UBAC2: variants seen among roughly 807,000 people sequenced by gnomAD.
UBAC2 encodes the protein UBA domain containing 2.
In UBAC2, 26 loss-of-function variants were observed where a neutral mutation model predicts 44.0. The ratio of observed to expected loss-of-function variants is 0.59; its 90% CI spans 0.43 to 0.82. The LOEUF is 0.82. Ranked by LOEUF, UBAC2 falls within the 40% of genes least tolerant of loss-of-function variation. The pLI, the probability that UBAC2 is intolerant of heterozygous loss-of-function variation, is 0.00. For synonymous variants in UBAC2, 155 were observed against 154.3 expected, an observed-to-expected ratio of 1.00 and a Z score of -0.04; for missense variants, 329 against 419.4, an observed-to-expected ratio of 0.78 and a Z score of 1.88.
intron 1 of UBAC2, among the ~76,000 whole-genome samples, chr13:99,229,733 A>G (rs2043151882): frequency 6.6e-6 from 1 of 152,258 alleles, no homozygotes. Context: ...ACTTTTAAAA[A>G]TCTTCGTTGA....
intron 4 of UBAC2, among the ~76,000 whole-genome samples, chr13:99,283,176 T>G (rs1053749406): frequency 6.6e-6 from 1 of 152,252 alleles, no homozygotes; most frequent in African/African-American, 2.4e-5. Context: ...ACTTACTTAA[T>G]GTTTAATATT....
chr13:99,338,047 C>CTTTTTCTTTTTTTTTTTT (rs2044821100), intron 6 of UBAC2, among the ~76,000 whole-genome samples: 20 of 48,862 alleles, frequency 4.1e-4, no homozygotes, highest in African/African-American at 8.5e-4. Context: ...TTCTTTTTTT[C>CTTTTTCTTTTTTTTTTTT]TTTTTTTTTT....
intron 7 of UBAC2, among the ~76,000 whole-genome samples, chr13:99,346,840 A>G (rs533927512): frequency 2.0e-3 from 311 of 152,310 alleles, no homozygotes; most frequent in African/African-American, 6.9e-3. Flanking sequence ...GATGGAGCAG[A>G]CTTGTTTTCT....
At chr13:99,215,643 G>C in intron 1 of UBAC2, 1 of 1,359,512 alleles carries the variant, frequency 7.4e-7, no homozygotes, top group Non-Finnish European at 1.0e-6. Context: ...CGTCGTCCTA[G>C]ATTTCAGGTG....
intron 4 of UBAC2, among the ~76,000 whole-genome samples, chr13:99,259,249 T>G (rs919204983): frequency 3.9e-5 from 6 of 152,166 alleles, no homozygotes; most frequent in Non-Finnish European, 8.8e-5. Flanking sequence ...TTTAATTATC[T>G]TTATGTTTGG....
chr13:99,222,906 C>G (rs2043066365), intron 1 of UBAC2, among the ~76,000 whole-genome samples: 1 of 152,130 alleles, frequency 6.6e-6, no homozygotes, highest in African/African-American at 2.4e-5. Context: ...TGTGTTGTAA[C>G]AGAGTTTGTA....
chr13:99,225,561 T>C (rs953839562), intron 1 of UBAC2, among the ~76,000 whole-genome samples: 2 of 152,264 alleles, frequency 1.3e-5, no homozygotes, highest in African/African-American at 2.4e-5. Context: ...TGCATTCATC[T>C]GCCAGTGGAC....
intron 7 of UBAC2, among the ~76,000 whole-genome samples, chr13:99,345,614 C>A (rs540236222): frequency 1.4e-4 from 22 of 152,256 alleles, no homozygotes; most frequent in African/African-American, 5.3e-4. Context: ...CCCATGAGTC[C>A]CTCAAGATCT....
intron 2 of UBAC2, among the ~76,000 whole-genome samples, chr13:99,242,360 C>T (rs1308225166): frequency 1.4e-4 from 20 of 144,516 alleles, no homozygotes; most frequent in Non-Finnish European, 2.9e-4. Flanking sequence ...CCGGACGGGG[C>T]GGCTGTCCGG....
rs1315928318 is a variant in UBAC2, at chr13:99,210,633, A to T, written c.31+9694A>T. Among the ~76,000 whole-genome samples, 3 of 151,750 alleles carry T rather than the reference A, an allele frequency of 2.0e-5. 1 individual carries two copies. The East Asian group carries it at 5.8e-4, about 29-fold the overall frequency. ...GCTGGGATTATAGGCATGCACCACC[A>T]CGTCCGGCTAATTTTGTGTTTTTAG... On this transcript the variant is annotated intron_variant, in intron 1 of 8. Transcript: ENST00000403766.
At chr13:99,247,224 G>T (rs59020204) in intron 4 of UBAC2, among the ~76,000 whole-genome samples, 85,443 of 148,132 alleles carry the variant, frequency 0.58, 26,230 homozygotes, top group Non-Finnish European at 0.71. Context: ...GTTTTGTTTT[G>T]TTTTTCTTGA....
intron 7 of UBAC2, among the ~76,000 whole-genome samples, chr13:99,341,339 T>G (rs2044883124): frequency 6.7e-6 from 1 of 150,310 alleles, no homozygotes; most frequent in Non-Finnish European, 1.5e-5. Flanking sequence ...TCTGCAGATC[T>G]CACGATGGTT....
At chr13:99,364,510 T>C (rs574458554) in intron 7 of UBAC2, among the ~76,000 whole-genome samples, 1 of 152,054 alleles carries the variant, frequency 6.6e-6, no homozygotes, top group East Asian at 1.9e-4. Context: ...GGAAACAGTG[T>C]TATGCTAGTC....
intron 7 of UBAC2, among the ~76,000 whole-genome samples, chr13:99,347,319 G>GCCCCCCCCCCC (rs3031439): frequency 9.7e-5 from 2 of 20,552 alleles, no homozygotes; most frequent in Non-Finnish European, 2.5e-4. Context: ...ATCCCCGGGC[G>GCCCCCCCCCCC]CCCCCCCCCC....
At chr13:99,351,631 A>G in intron 7 of UBAC2, 1 of 456,746 alleles carries the variant, frequency 2.2e-6, no homozygotes, top group Non-Finnish European at 4.4e-6. Flanking sequence ...GATGATGAGA[A>G]TTCTGTTATA....
chr13:99,206,816 C>T lies in UBAC2; in HGVS notation c.31+5877C>T, dbSNP rs369180907. On this transcript the variant is annotated intron_variant, in intron 1 of 8. Coordinates refer to ENST00000403766, the MANE Select transcript of UBAC2 (RefSeq NM_001144072.2). ...GGCTCAAGGCTATTCTCAGTCTCTC[C>T]CCATCTCTTCACCCACCATCTCACT... Among the ~76,000 whole-genome samples, 218 of 152,276 alleles carry T rather than the reference C, an allele frequency of 1.4e-3. 2 individuals are homozygous for T. The highest frequency in any genetic ancestry group is 5.1e-3 in the African/African-American group (213 of 41,546).
At chr13:99,228,765 G>C (rs1186464064) in intron 1 of UBAC2, among the ~76,000 whole-genome samples, 1 of 152,166 alleles carries the variant, frequency 6.6e-6, no homozygotes, top group Non-Finnish European at 1.5e-5. Context: ...GAGGCAATGA[G>C]GAACTCGGTT....
At chr13:99,225,312 G>A (rs979574425) in intron 1 of UBAC2, among the ~76,000 whole-genome samples, 1 of 151,860 alleles carries the variant, frequency 6.6e-6, no homozygotes, top group African/African-American at 2.4e-5. Flanking sequence ...CCCTTCCTCC[G>A]CCCACTGTAC....
chr13:99,296,175 C>CATA (rs749937280), intron 4 of UBAC2: 31 of 1,534,764 alleles, frequency 2.0e-5, no homozygotes, highest in Middle Eastern at 1.8e-4. Context: ...TAGAAAAAAA[C>CATA]CAAGAAGGAT....
Sources: gnomAD v4.1 joint callset for allele counts (sites outside exome capture counted in the v4.1 genomes callset) on GRCh38, gnomAD v4.1.1 for gene constraint, MANE v1.5 for transcripts, NCBI Gene and HGNC (gene_info 2026-07-23, HGNC 2026-07-21) for gene names.